Variants in NIPAL2 observed in about 807,000 individuals in gnomAD.
NIPAL2 encodes NIPA like domain containing 2, also known as NIPA-like protein 2.
A neutral mutation model predicts 48.9 loss-of-function variants in NIPAL2; 43 were observed. The observed-to-expected ratio is 0.88, with a 90% CI of 0.69 to 1.13. The LOEUF (loss-of-function observed/expected upper bound fraction) is 1.13. NIPAL2 is among the 50% of genes most tolerant of loss of function. The pLI is 0.00. For missense variants in NIPAL2, 446 were observed against 461.4 expected, an observed-to-expected ratio of 0.97 and a Z score of 0.31; for synonymous variants, 167 against 174.6, an observed-to-expected ratio of 0.96 and a Z score of 0.34.
At chr8:98,244,202 CAAAA>C (rs56131567) in intron 3 of NIPAL2, among the ~76,000 whole-genome samples, 1 of 104,424 alleles carries the variant, frequency 9.6e-6, no homozygotes, top group Non-Finnish European at 1.9e-5. Flanking sequence ...CCTCTGAAGA[CAAAA>C]AAAAAAATGA....
chr8:98,232,370 C>A (rs1812479598), intron 4 of NIPAL2, among the ~76,000 whole-genome samples: 1 of 152,118 alleles, frequency 6.6e-6, no homozygotes, highest in African/African-American at 2.4e-5. Flanking sequence ...ACAGAGCACC[C>A]AATCAGAGTT....
At chr8:98,276,229 C>T (rs1359362814) in intron 1 of NIPAL2, among the ~76,000 whole-genome samples, 2 of 152,176 alleles carry the variant, frequency 1.3e-5, no homozygotes, top group Non-Finnish European at 2.9e-5. Context: ...CCCTAAAAAT[C>T]CTCTGTGCTT....
chr8:98,234,712 TA>T (rs1812620982), intron 4 of NIPAL2, among the ~76,000 whole-genome samples: 1 of 57,084 alleles, frequency 1.8e-5, no homozygotes, highest in Non-Finnish European at 4.3e-5. Context: ...CACACCTGTC[TA>T]TTTTTTTTTT....
At chr8:98,210,393 G>A (rs964768280) in intron 6 of NIPAL2, among the ~76,000 whole-genome samples, 1 of 152,076 alleles carries the variant, frequency 6.6e-6, no homozygotes, top group African/African-American at 2.4e-5. Context: ...ATTTCCAGGT[G>A]GTAGGGTTTT....
intron 6 of NIPAL2, among the ~76,000 whole-genome samples, chr8:98,209,189 T>C (rs1811185631): frequency 6.6e-6 from 1 of 152,182 alleles, no homozygotes; most frequent in Non-Finnish European, 1.5e-5. Context: ...TTAAAGAATA[T>C]ATACTGTAAA....
At chr8:98,256,325 G>A (rs140371758) in intron 1 of NIPAL2, among the ~76,000 whole-genome samples, 156 of 152,228 alleles carry the variant, frequency 1.0e-3, no homozygotes, top group East Asian at 1.9e-3. Context: ...GCCTGGCTGA[G>A]ATTAACAACT....
chr8:98,229,806 A>T (rs1812351841), intron 4 of NIPAL2, among the ~76,000 whole-genome samples: 1 of 152,240 alleles, frequency 6.6e-6, no homozygotes, highest in Admixed American at 6.5e-5. Flanking sequence ...TAATAGTAAT[A>T]ACTAATACTT....
At chr8:98,217,375 G>T in intron 5 of NIPAL2, 2 of 972,932 alleles carry the variant, frequency 2.1e-6, no homozygotes, top group Non-Finnish European at 2.4e-6. Context: ...AATATAAAAT[G>T]TATTCAGGCT....
intron 1 of NIPAL2, among the ~76,000 whole-genome samples, chr8:98,260,638 A>G (rs1322034232): frequency 6.6e-6 from 1 of 152,124 alleles, no homozygotes; most frequent in African/African-American, 2.4e-5. Context: ...ACGCCCACGG[A>G]GTCTCGCTGA....
chr8:98,199,352 C>T (rs974393321), intron 8 of NIPAL2, among the ~76,000 whole-genome samples: 6 of 152,166 alleles, frequency 3.9e-5, no homozygotes, highest in Admixed American at 3.3e-4. Flanking sequence ...GCCTTCCTCA[C>T]TAAGCTTAAT....
At chr8:98,262,843 C>G (rs937343159) in intron 1 of NIPAL2, among the ~76,000 whole-genome samples, 9 of 152,108 alleles carry the variant, frequency 5.9e-5, no homozygotes, top group Non-Finnish European at 1.3e-4. Context: ...CAGCACCGCA[C>G]CACACCTGTT....
intron 8 of NIPAL2, among the ~76,000 whole-genome samples, chr8:98,201,414 C>T (rs114255691): frequency 2.4e-3 from 369 of 151,956 alleles, no homozygotes; most frequent in East Asian, 7.9e-3. Flanking sequence ...AGATGGGGTC[C>T]GGCTGTGTCA....
intron 9 of NIPAL2, among the ~76,000 whole-genome samples, chr8:98,195,132 T>C (rs999128663): frequency 6.6e-6 from 1 of 152,230 alleles, no homozygotes; most frequent in Non-Finnish European, 1.5e-5. Context: ...ATTTCTGGCA[T>C]GTGACACAAG....
intron 3 of NIPAL2, among the ~76,000 whole-genome samples, chr8:98,242,492 T>TTTGTTTTTTTTG (rs1387043486): frequency 1.0e-4 from 15 of 144,532 alleles, no homozygotes; most frequent in East Asian, 4.0e-4. Context: ...TGACAGATTT[T>TTTGTTTTTTTTG]TTTTTTTTTT....
intron 1 of NIPAL2, among the ~76,000 whole-genome samples, chr8:98,258,930 A>C (rs571685302): frequency 5.3e-5 from 8 of 151,994 alleles, no homozygotes; most frequent in African/African-American, 1.7e-4. Context: ...TTTTCTTTTA[A>C]CAGTCTGCGT....
chr8:98,193,388 C>T (rs1810387907), intron 10 of NIPAL2: 5 of 1,613,942 alleles, frequency 3.1e-6, no homozygotes, highest in Non-Finnish European at 4.2e-6. Flanking sequence ...CACTCACCTC[C>T]AAGCCTTTCT....
chr8:98,259,277 G>A (rs201549079), intron 1 of NIPAL2, among the ~76,000 whole-genome samples: 29 of 151,012 alleles, frequency 1.9e-4, no homozygotes, highest in African/African-American at 2.9e-4. Flanking sequence ...GGGTTTCACC[G>A]TGTTAGCCAG....
chr8:98,221,544 G>A (rs1158481173), intron 5 of NIPAL2, among the ~76,000 whole-genome samples: 1 of 151,332 alleles, frequency 6.6e-6, no homozygotes, highest in Non-Finnish European at 1.5e-5. Flanking sequence ...CATCTATCAA[G>A]TTTTTTTTTA....
chr8:98,203,274 C>G (rs767521532), intron 7 of NIPAL2, 78 bp from the exon 8 acceptor site: 3 of 1,034,800 alleles, frequency 2.9e-6, no homozygotes, highest in Non-Finnish European at 1.5e-6. Context: ...TCAAGAAACA[C>G]GTGTTCTTTA....
Sources: gnomAD v4.1 joint callset for allele counts (sites outside exome capture counted in the v4.1 genomes callset) on GRCh38, gnomAD v4.1.1 for gene constraint, MANE v1.5 for transcripts, NCBI Gene and HGNC (gene_info 2026-07-23, HGNC 2026-07-21) for gene names.